Variants in NOX1 observed in about 807,000 individuals in gnomAD.
NOX1 encodes NADH/NADPH mitogenic oxidase subunit P65-MOX.
NOX1 carries 34 observed loss-of-function variants against 42.5 expected under a neutral mutation model. The observed-to-expected ratio is 0.80, with a 90% CI of 0.61 to 1.07. The LOEUF (loss-of-function observed/expected upper bound fraction) is 1.07. NOX1 is among the 50% of genes least tolerant of loss of function. The pLI is 0.00. For synonymous variants in NOX1, 143 were observed against 152.5 expected, an observed-to-expected ratio of 0.94 and a Z score of 0.46; for missense variants, 408 against 427.0, an observed-to-expected ratio of 0.96 and a Z score of 0.39.
At position 100,843,584 on chromosome X, in the gene NOX1, C is replaced by A; in HGVS notation, c.*368G>T. The A allele has an allele frequency of 1.4e-6, 1 of 701,150 alleles. No homozygotes were observed. The allele number at this position is 701,150 out of a possible 1,213,427, so 57.8% of individuals were successfully genotyped here. A position where few individuals can be genotyped will look rare whatever the true frequency, so the allele number is the denominator to read the frequency against. On this transcript the variant is annotated 3_prime_UTR_variant, in exon 13 of 13. Coordinates refer to ENST00000372966, the MANE Select transcript of NOX1 (RefSeq NM_007052.5). ...GGTGGGAGGGACAAAAGATTACAAACCAAAACTCAGGAGATGGTAACACTG... is the reference window on the plus strand; with the variant it reads ...GGTGGGAGGGACAAAAGATTACAAAACAAAACTCAGGAGATGGTAACACTG...
In NOX1 at chrX:100,862,700, G is replaced by T; in HGVS notation, c.458C>A (p.Ser153Tyr). The T allele has an allele frequency of 8.4e-7, 1 of 1,195,952 alleles. No homozygotes were observed. The highest frequency in any genetic ancestry group is 1.1e-6 in the Non-Finnish European group (1 of 890,503). ...TCGGGACTGGATGGGATTTAGCCAAGAACCCCCCTTTTTCTCATCATGAGA... is the reference window on the plus strand; with the variant it reads ...TCGGGACTGGATGGGATTTAGCCAATAACCCCCCTTTTTCTCATCATGAGA... ...SLSHDEKKGG[S>Y]WLNPIQSRNT... The change falls in exon 5 of 13, where the codon TCT becomes TAT. Residue 153 changes from serine to tyrosine, a missense_variant. By Grantham distance (144) the Ser-to-Tyr change is moderately radical. Coordinates refer to ENST00000372966, the MANE Select transcript of NOX1 (RefSeq NM_007052.5).
intron 7 of NOX1, chrX:100,855,602 TC>T: frequency 1.0e-6 from 1 of 1,004,740 alleles, no homozygotes; most frequent in Non-Finnish European, 1.4e-6. Flanking sequence ...GTCCACCACT[TC>T]CATAGCCTCT....
intron 12 of NOX1, 22 bp from the exon 13 acceptor site, chrX:100,844,100 A>G: frequency 8.7e-7 from 1 of 1,151,522 alleles, no homozygotes; most frequent in Non-Finnish European, 1.2e-6. Flanking sequence ...GAACAATAGT[A>G]AGGGCTAGAA....
At chrX:100,871,682 T>G (rs770936734) in intron 1 of NOX1, among the ~76,000 whole-genome samples, 2 of 112,020 alleles carry the variant, frequency 1.8e-5, no homozygotes, top group East Asian at 5.6e-4. Flanking sequence ...AACCAACTGG[T>G]CTCTAGCCCA....
Position 100,862,794 on chromosome X carries a change from T to A in NOX1, c.364A>T (p.Asn122Tyr). Reference protein sequence around the residue: ...TAIHIIAHLFNFDCYSRSRQA... With the variant: ...TAIHIIAHLFYFDCYSRSRQA... Reference sequence around the variant, plus strand: ...CGGCTTCTGCTATAGCAGTCAAAGTTAAACAGGTGTGCAATGATGTGAATA... The same window carrying A: ...CGGCTTCTGCTATAGCAGTCAAAGTAAAACAGGTGTGCAATGATGTGAATA... The change falls in exon 5 of 13, where the codon AAC becomes TAC. Residue 122 changes from asparagine (N) to tyrosine (Y), a missense_variant. Asn to Tyr is a moderately radical substitution (Grantham distance 143, BLOSUM62 -2). Transcript: ENST00000372966. The A allele has an allele frequency of 8.3e-7, 1 of 1,199,650 alleles. No individual in the cohort carries two copies. Among genetic ancestry groups the A allele is most frequent in the Non-Finnish European group, 1.1e-6 (1 of 891,639 alleles).
chrX:100,853,300 T>TTCTTTCTTTCTTTCTCTCTCTTTC (rs2085135658), intron 7 of NOX1, among the ~76,000 whole-genome samples: 6 of 69,384 alleles, frequency 8.6e-5, no homozygotes, highest in Non-Finnish European at 1.1e-4. Context: ...CTTTCTTTCT[T>TTCTTTCTTTCTTTCTCTCTCTTTC]TCTTTCTTTC....
chrX:100,866,910 G>A (rs771145243), intron 2 of NOX1, among the ~76,000 whole-genome samples: 1 of 111,512 alleles, frequency 9.0e-6, no homozygotes, highest in East Asian at 2.9e-4. Flanking sequence ...GGGCATGGTC[G>A]CTCACACCTG....
Position 100,848,749 on chromosome X carries a change from A to C in NOX1, c.1449T>G (p.Gly483=). Residue 483 remains glycine (G), a synonymous_variant, in exon 12 of 13, where the codon GGT becomes GGG. Transcript: ENST00000372966. ...FLTGWDSNIV[G]HAALNFDKAT... ...CCTTGTCAAAGTTTAATGCTGCATG[A>C]CCAACCTGGATTCAGAGGAATAAAA... is the stretch of plus-strand genomic sequence containing the variant. 1 of 1,210,659 alleles carries C rather than the reference A, an allele frequency of 8.3e-7. No homozygotes were observed. The highest frequency in any genetic ancestry group is 1.1e-6 in the Non-Finnish European group (1 of 894,709).
At chrX:100,864,050 C>A (rs1009859388) in intron 2 of NOX1, among the ~76,000 whole-genome samples, 1 of 112,008 alleles carries the variant, frequency 8.9e-6, no homozygotes, top group African/African-American at 3.2e-5. Context: ...AGTGCAGTGG[C>A]GAGATATCGG....
intron 4 of NOX1, 106 bp downstream of exon 4, chrX:100,863,053 G>C (rs2085216151): frequency 1.5e-6 from 1 of 658,578 alleles, no homozygotes; most frequent in East Asian, 3.2e-5. Flanking sequence ...CTGACAAATA[G>C]TGCCCAGTGC....
At chrX:100,868,635 A>G (rs1416303497) in intron 2 of NOX1, among the ~76,000 whole-genome samples, 1 of 111,256 alleles carries the variant, frequency 9.0e-6, no homozygotes, top group Non-Finnish European at 1.9e-5. Context: ...TCCCCTAAGT[A>G]TCCCTCCTAT....
intron 7 of NOX1, among the ~76,000 whole-genome samples, chrX:100,854,807 T>C (rs1184090543): frequency 1.8e-5 from 2 of 111,589 alleles, no homozygotes; most frequent in Admixed American, 9.5e-5. Context: ...TACACCAAGG[T>C]TTCTGAAGAC....
At chrX:100,859,634 A>G (rs1392475385) in intron 7 of NOX1, among the ~76,000 whole-genome samples, 1 of 109,544 alleles carries the variant, frequency 9.1e-6, no homozygotes, top group African/African-American at 3.3e-5. Flanking sequence ...TGGTCTGCTC[A>G]GGGATTAAAT....
At chrX:100,853,486 C>T (rs766486070) in intron 7 of NOX1, among the ~76,000 whole-genome samples, 31 of 92,166 alleles carry the variant, frequency 3.4e-4, no homozygotes, top group Admixed American at 1.8e-3. Flanking sequence ...CTGCAACCCC[C>T]GCCTCCCGGG....
In NOX1 at chrX:100,874,201, G is replaced by C. The variant is rs2085293829; in HGVS notation, c.-62C>G. ...GGAAGATTCAGCAATCCGGATTCTGGAGAGGTCCTTCAGGAATGGAACATT... is the reference window on the plus strand; with the variant it reads ...GGAAGATTCAGCAATCCGGATTCTGCAGAGGTCCTTCAGGAATGGAACATT... On this transcript the variant is annotated 5_prime_UTR_variant, in exon 1 of 13. Transcript: ENST00000372966. The C allele has an allele frequency of 1.2e-6, 1 of 820,123 alleles. No individual in the cohort carries two copies. The highest frequency in any genetic ancestry group is 2.0e-5 in the African/African-American group (1 of 49,228). The allele number at this position is 820,123 out of a possible 1,213,427, so 67.6% of individuals were successfully genotyped here.
intron 2 of NOX1, among the ~76,000 whole-genome samples, chrX:100,864,355 G>A (rs2085225367): frequency 8.9e-6 from 1 of 111,817 alleles, no homozygotes; most frequent in Non-Finnish European, 1.9e-5. Flanking sequence ...AATTACAGAT[G>A]GTATTTTATT....
At chrX:100,853,113 ATT>A (rs1386394191) in intron 7 of NOX1, among the ~76,000 whole-genome samples, 1 of 111,278 alleles carries the variant, frequency 9.0e-6, no homozygotes, top group African/African-American at 3.3e-5. Flanking sequence ...AAGATAAATA[ATT>A]AAGGTGTGAA....
At chrX:100,852,146 C>T (rs761734748) in intron 7 of NOX1, among the ~76,000 whole-genome samples, 1 of 112,246 alleles carries the variant, frequency 8.9e-6, no homozygotes, top group South Asian at 3.7e-4. Context: ...ATAGTAATAT[C>T]TTTTTTACCT....
chrX:100,849,689 T>C (rs1166339391), intron 10 of NOX1, 83 bp downstream of exon 10: 1 of 977,895 alleles, frequency 1.0e-6, no homozygotes, highest in East Asian at 3.1e-5. Flanking sequence ...GTTGCTCCCT[T>C]ATCAATTGTA....
Sources: gnomAD v4.1 joint callset for allele counts (sites outside exome capture counted in the v4.1 genomes callset) on GRCh38, gnomAD v4.1.1 for gene constraint, MANE v1.5 for transcripts, NCBI Gene and HGNC (gene_info 2026-07-23, HGNC 2026-07-21) for gene names.